The following PDE3A variants were observed in gnomAD, a reference collection of about 807,000 sequenced individuals.
The protein encoded by PDE3A is cGMP-inhibited 3',5'-cyclic phosphodiesterase 3A.
A neutral mutation model predicts 98.3 loss-of-function variants in PDE3A; 43 were observed. The ratio of observed to expected loss-of-function variants is 0.44; its 90% CI spans 0.34 to 0.56. PDE3A has a LOEUF of 0.56. Among genes scored for constraint, PDE3A ranks in the 20% least tolerant of loss-of-function variants. PDE3A has a pLI of 0.01. For synonymous variants in PDE3A, 663 were observed against 567.9 expected (o/e 1.17, Z -2.38); for missense variants, 1,427 against 1,440.7 (o/e 0.99, Z 0.15).
intron 1 of PDE3A, among the ~76,000 whole-genome samples, chr12:20,400,451 G>GGCT (rs1456020796): frequency 7.3e-6 from 1 of 136,776 alleles, no homozygotes; most frequent in Non-Finnish European, 1.5e-5. Flanking sequence ...CTGTCGCCCA[G>GGCT]GCTGGAGTGC....
At chr12:20,498,053 G>C (rs543192827) in intron 1 of PDE3A, among the ~76,000 whole-genome samples, 1 of 152,264 alleles carries the variant, frequency 6.6e-6, no homozygotes, top group Non-Finnish European at 1.5e-5. Flanking sequence ...GTGTTATACG[G>C]TAGGCTAAAA....
chr12:20,596,878 T>G (rs920139798), intron 2 of PDE3A, among the ~76,000 whole-genome samples: 1 of 151,926 alleles, frequency 6.6e-6, no homozygotes, highest in East Asian at 1.9e-4. Context: ...AGTGTTTATT[T>G]AAAAAAAATA....
At chr12:20,626,280 G>A (rs760715598) in intron 5 of PDE3A, among the ~76,000 whole-genome samples, 12 of 146,236 alleles carry the variant, frequency 8.2e-5, no homozygotes, top group Admixed American at 3.3e-4. Flanking sequence ...TTTGAAGACC[G>A]ATACGGTCTT....
intron 1 of PDE3A, among the ~76,000 whole-genome samples, chr12:20,403,201 A>C (rs919947760): frequency 2.6e-5 from 4 of 152,196 alleles, no homozygotes; most frequent in African/African-American, 9.7e-5. Flanking sequence ...ACAGTTCTAT[A>C]ACATCTTCAG....
intron 1 of PDE3A, among the ~76,000 whole-genome samples, chr12:20,539,333 T>C (rs1443617573): frequency 6.6e-6 from 1 of 152,128 alleles, no homozygotes; most frequent in Non-Finnish European, 1.5e-5. Flanking sequence ...TTTGTGTACA[T>C]TGAACCATCA....
chr12:20,524,728 GTCTAAGAAGTAACCAT>G (rs1447268333), intron 1 of PDE3A, among the ~76,000 whole-genome samples: 1 of 152,096 alleles, frequency 6.6e-6, no homozygotes, highest in African/African-American at 2.4e-5. Context: ...CAACCATTGA[GTCTAAGAAGTAACCAT>G]TCCACAATCT....
intron 2 of PDE3A, among the ~76,000 whole-genome samples, chr12:20,563,576 A>G (rs1302364376): frequency 6.6e-6 from 1 of 152,174 alleles, no homozygotes; most frequent in East Asian, 1.9e-4. Context: ...CCATATATCA[A>G]CCTAACAACT....
intron 2 of PDE3A, among the ~76,000 whole-genome samples, chr12:20,580,864 A>G (rs146891042): frequency 1.2e-3 from 178 of 152,336 alleles, no homozygotes; most frequent in African/African-American, 4.2e-3. Context: ...GTGACAGCTA[A>G]TGGTATAAAT....
intron 15 of PDE3A, among the ~76,000 whole-genome samples, chr12:20,677,114 A>T (rs1945660226): frequency 1.3e-5 from 2 of 152,158 alleles, no homozygotes; most frequent in African/African-American, 4.8e-5. Flanking sequence ...TCAACTTGAT[A>T]TAGTCTATTG....
intron 1 of PDE3A, among the ~76,000 whole-genome samples, chr12:20,531,841 A>G (rs1204286536): frequency 6.6e-6 from 1 of 152,184 alleles, no homozygotes; most frequent in Non-Finnish European, 1.5e-5. Context: ...TGGAATTATC[A>G]GAGGATTTAT....
chr12:20,470,994 G>A (rs1374359698), intron 1 of PDE3A, among the ~76,000 whole-genome samples: 3 of 151,986 alleles, frequency 2.0e-5, no homozygotes, highest in African/African-American at 7.3e-5. Context: ...GTAATCCAAG[G>A]AGCAAGCCGT....
chr12:20,513,867 T>A (rs1383175323), intron 1 of PDE3A, among the ~76,000 whole-genome samples: 1 of 152,214 alleles, frequency 6.6e-6, no homozygotes, highest in Non-Finnish European at 1.5e-5. Flanking sequence ...TATTTCTGAA[T>A]TTAATACTGC....
In PDE3A at chr12:20,680,317, A is replaced by G. The variant is rs758173480; in HGVS notation, c.*46A>G. 1 of 1,600,582 alleles carries G rather than the reference A, an allele frequency of 6.2e-7. No homozygotes were observed. The highest frequency in any genetic ancestry group is 1.1e-5 in the South Asian group (1 of 89,886). On this transcript the variant is annotated 3_prime_UTR_variant, in exon 16 of 16. Transcript: ENST00000359062. ...GTTTCCAAACAGATTGACTTGTCAA[A>G]GACTCTCTTCAAGCCAGCACAACAT...
At chr12:20,565,743 T>TTTTA (rs1942640013) in intron 2 of PDE3A, among the ~76,000 whole-genome samples, 1 of 151,960 alleles carries the variant, frequency 6.6e-6, no homozygotes, top group South Asian at 2.1e-4. Flanking sequence ...TACAATTTTT[T>TTTTA]TTTATTTGGG....
chr12:20,602,583 G>T (rs1943617473), intron 2 of PDE3A, among the ~76,000 whole-genome samples: 1 of 152,114 alleles, frequency 6.6e-6, no homozygotes, highest in Non-Finnish European at 1.5e-5. Context: ...AAGAATTCTG[G>T]TAACTAATGA....
rs1945766540 is a variant in PDE3A, at chr12:20,680,920, G to T, written c.*649G>T. The T allele has an allele frequency of 1.3e-5, 2 of 152,440 alleles. No individual in the cohort carries two copies. Among genetic ancestry groups the T allele is most frequent in the Admixed American group, 6.6e-5 (1 of 15,236 alleles). 9.4% of individuals were successfully genotyped at this position (152,440 alleles called of 1,614,324 possible). A position where few individuals can be genotyped will look rare whatever the true frequency, so the allele number is the denominator to read the frequency against. On this transcript the variant is annotated 3_prime_UTR_variant, in exon 16 of 16. Coordinates refer to ENST00000359062, the MANE Select transcript of PDE3A (RefSeq NM_000921.5). ...TGAGAGGGTGCTTGTGTGCATGTGT[G>T]TGCATATGTAAAGAGATTTTTGTGG...
At chr12:20,620,903 T>C (rs1423309617) in intron 4 of PDE3A, among the ~76,000 whole-genome samples, 1 of 152,104 alleles carries the variant, frequency 6.6e-6, no homozygotes, top group Non-Finnish European at 1.5e-5. Context: ...AGTACTGAAG[T>C]AAACATTATG....
chr12:20,515,862 A>G (rs7953905), intron 1 of PDE3A, among the ~76,000 whole-genome samples: 32,978 of 148,494 alleles, frequency 0.22, 3,851 homozygotes, highest in South Asian at 0.24. Context: ...CCTCCCAAGT[A>G]GCTGGGACTA....
Position 20,369,203 on chromosome 12 carries a change from GTGT to G in PDE3A, c.-81_-79del. ...AGAGCGTGCGTGCGTGTGTGTGTGT[GTGT>G]GTGTGCGCGCGCGCGCGTGGGTCGG... On this transcript the variant is annotated 5_prime_UTR_variant, in exon 1 of 16. Transcript: ENST00000359062. The G allele has an allele frequency of 5.7e-6, 5 of 879,880 alleles. No individual in the cohort carries two copies. Among genetic ancestry groups the G allele is most frequent in the Non-Finnish European group, 6.9e-6 (4 of 583,134 alleles). 54.5% of individuals were successfully genotyped at this position (879,880 alleles called of 1,614,324 possible). A position where few individuals can be genotyped will look rare whatever the true frequency, so the allele number is the denominator to read the frequency against.
Sources: gnomAD v4.1 joint callset for allele counts (sites outside exome capture counted in the v4.1 genomes callset) on GRCh38, gnomAD v4.1.1 for gene constraint, MANE v1.5 for transcripts, NCBI Gene and HGNC (gene_info 2026-07-23, HGNC 2026-07-21) for gene names.